The following PKHD1 variants were observed in gnomAD, a reference collection of about 807,000 sequenced individuals.
PKHD1 encodes the protein fibrocystin.
Under a neutral mutation model 412.0 loss-of-function variants are expected in PKHD1, and 291 were observed. That is an observed-to-expected ratio of 0.71 (90% CI 0.64 to 0.78). PKHD1 has a LOEUF of 0.78. Among genes scored for constraint, PKHD1 ranks in the 30% least tolerant of loss-of-function variants. PKHD1 has a pLI of 0.00. For missense variants in PKHD1, 4,825 were observed against 4,950.7 expected (o/e 0.97, Z 0.76); for synonymous variants, 1,777 against 1,821.5 (o/e 0.98, Z 0.62).
chr6:52,035,696 G>C lies in PKHD1; in HGVS notation c.3123C>G (p.Gly1041=). ...TCAGGCTAACACCTTCCAAACTAGA[G>C]CCTCGGATGGTGGCCCAGAGCCCTC... ...DIGGLWATIR[G]SSLEGVSLIL... is the part of the protein sequence containing the mutation. The change falls in exon 28 of 67, where the codon GGC becomes GGG. Residue 1041 remains glycine (G), a synonymous_variant. Coordinates refer to ENST00000371117, the MANE Select transcript of PKHD1 (RefSeq NM_138694.4). 1 of 1,613,802 alleles carries C rather than the reference G, an allele frequency of 6.2e-7. No individual in the cohort carries two copies. The highest frequency in any genetic ancestry group is 2.2e-5 in the East Asian group (1 of 44,872).
intron 52 of PKHD1, among the ~76,000 whole-genome samples, chr6:51,817,053 CAA>C (rs1436250833): frequency 4.3e-5 from 6 of 138,990 alleles, no homozygotes; most frequent in Admixed American, 4.3e-4. Flanking sequence ...ATCCGAGGAG[CAA>C]GAGAGAGTCA....
At chr6:51,725,682 T>C (rs1782489137) in intron 60 of PKHD1, among the ~76,000 whole-genome samples, 1 of 152,208 alleles carries the variant, frequency 6.6e-6, no homozygotes, top group South Asian at 2.1e-4. Flanking sequence ...CACGTTTCAT[T>C]TCACAGGTCA....
rs148116585 is a variant in PKHD1, at chr6:51,719,324, T to C, written c.10156+25061A>G. Among the ~76,000 whole-genome samples, 343 of 152,118 alleles carry C rather than the reference T, an allele frequency of 2.3e-3. 1 individual carries two copies. Among genetic ancestry groups the C allele is most frequent in the Non-Finnish European group, 4.0e-3 (269 of 67,996 alleles). On this transcript the variant is annotated intron_variant, in intron 60 of 66. Coordinates refer to ENST00000371117, the MANE Select transcript of PKHD1 (RefSeq NM_138694.4). ...CCTGGGCTCCAGCAATCCTCTCACCTCAGGTAGGCAATCCTTCTTATGGTC... is the reference window on the plus strand; with the variant it reads ...CCTGGGCTCCAGCAATCCTCTCACCCCAGGTAGGCAATCCTTCTTATGGTC...
intron 60 of PKHD1, among the ~76,000 whole-genome samples, chr6:51,739,394 C>G (rs1295751847): frequency 6.6e-6 from 1 of 151,984 alleles, no homozygotes; most frequent in Non-Finnish European, 1.5e-5. Context: ...TCATACCTGG[C>G]TAATTTTTCT....
chr6:51,874,014 T>A (rs1776423036), intron 46 of PKHD1, among the ~76,000 whole-genome samples: 1 of 152,054 alleles, frequency 6.6e-6, no homozygotes, highest in Non-Finnish European at 1.5e-5. Context: ...AGCTAGTATA[T>A]TGAGAAGAAA....
At chr6:51,683,741 C>A (rs1344923293) in intron 60 of PKHD1, among the ~76,000 whole-genome samples, 1 of 151,956 alleles carries the variant, frequency 6.6e-6, no homozygotes, top group Non-Finnish European at 1.5e-5. Flanking sequence ...TCTAGCTCTT[C>A]CATTGTATAG....
At chr6:51,916,304 A>G (rs952211847) in intron 37 of PKHD1, among the ~76,000 whole-genome samples, 2 of 152,210 alleles carry the variant, frequency 1.3e-5, no homozygotes, top group Non-Finnish European at 2.9e-5. Flanking sequence ...AAAAGCAGAA[A>G]AAAATACAAA....
At chr6:52,058,937 T>C (rs1377110382) in intron 15 of PKHD1, among the ~76,000 whole-genome samples, 1 of 152,200 alleles carries the variant, frequency 6.6e-6, no homozygotes, top group Non-Finnish European at 1.5e-5. Flanking sequence ...AGACCTCGAA[T>C]GACTTGATCA....
chr6:51,674,850 A>G (rs1422248841), intron 60 of PKHD1, among the ~76,000 whole-genome samples: 1 of 152,198 alleles, frequency 6.6e-6, no homozygotes, highest in Non-Finnish European at 1.5e-5. Context: ...ATTTTATCAT[A>G]CTATCCCAGG....
intron 60 of PKHD1, among the ~76,000 whole-genome samples, chr6:51,728,476 CT>C (rs1370623729): frequency 6.6e-6 from 1 of 152,190 alleles, no homozygotes; most frequent in East Asian, 1.9e-4. Context: ...ACCAATTTTG[CT>C]TCCTTTTATC....
intron 4 of PKHD1, among the ~76,000 whole-genome samples, chr6:52,080,269 G>A (rs1028614414): frequency 6.6e-6 from 1 of 152,136 alleles, no homozygotes; most frequent in South Asian, 2.1e-4. Flanking sequence ...CAAAATCATA[G>A]GTTCATTGGA....
At chr6:51,961,656 A>C (rs1792057467) in intron 35 of PKHD1, among the ~76,000 whole-genome samples, 1 of 152,124 alleles carries the variant, frequency 6.6e-6, no homozygotes, top group African/African-American at 2.4e-5. Context: ...ATACAGAAAG[A>C]GGAAAGGGAG....
At chr6:51,881,298 G>T (rs1777304361) in intron 46 of PKHD1, among the ~76,000 whole-genome samples, 1 of 151,968 alleles carries the variant, frequency 6.6e-6, no homozygotes, top group Admixed American at 6.6e-5. Flanking sequence ...ATAGGTTATA[G>T]TGAAGCAAAT....
At position 51,802,648 on chromosome 6, in the gene PKHD1, A is replaced by G. The variant is rs563816316; in HGVS notation, c.8303-11275T>C. Among the ~76,000 whole-genome samples, 111 of 151,714 alleles carry G rather than the reference A, an allele frequency of 7.3e-4. 11 individuals are homozygous for G. Among genetic ancestry groups the G allele is most frequent in the African/African-American group, 2.6e-3 (106 of 41,036 alleles). On this transcript the variant is annotated intron_variant, in intron 52 of 66. Coordinates refer to ENST00000371117, the MANE Select transcript of PKHD1 (RefSeq NM_138694.4). The stretch of plus-strand genomic sequence containing the variant: ...GTAAATAAATATATTTTGTACTTTT[A>G]CCCTGAATAGAAAAATATGAATATC...
rs944379516 is a variant in PKHD1, at chr6:51,814,493, C to A, written c.8302+16368G>T. ...ACACTATACAAATGAGAAAAGGTAA[C>A]CTCTGAAACCATTTCACAGCAAACA... is the stretch of plus-strand genomic sequence containing the variant. On this transcript the variant is annotated intron_variant, in intron 52 of 66. Coordinates refer to ENST00000371117, the MANE Select transcript of PKHD1 (RefSeq NM_138694.4). 9.8e-5 allele frequency among the ~76,000 whole-genome samples: 15 copies of A among 152,288 alleles called. No individual in the cohort carries two copies. The East Asian group carries it at 2.9e-3, about 29-fold the overall frequency.
In PKHD1 at chr6:51,747,770, A is replaced by G. The variant is rs1398370173; in HGVS notation, c.9829+17T>C. 2 of 1,608,980 alleles carry G rather than the reference A, an allele frequency of 1.2e-6. No homozygotes were observed. Among genetic ancestry groups the G allele is most frequent in the South Asian group, 2.2e-5 (2 of 90,974 alleles). On this transcript the variant is annotated intron_variant, in intron 58 of 66. Coordinates refer to ENST00000371117, the MANE Select transcript of PKHD1 (RefSeq NM_138694.4). ...ATGTATGAAATGGCACTGCCTAGAT[A>G]AAATAAAACATCCTACCTTGAAGTT...
chr6:51,755,878 C>T (rs182504289), intron 55 of PKHD1, among the ~76,000 whole-genome samples: 353 of 152,198 alleles, frequency 2.3e-3, no homozygotes, highest in Middle Eastern at 0.01. Flanking sequence ...ATAAATAAAA[C>T]ATATGTCATT....
intron 49 of PKHD1, among the ~76,000 whole-genome samples, chr6:51,852,732 G>GTT (rs61529648): frequency 1.4e-5 from 2 of 144,476 alleles, no homozygotes; most frequent in African/African-American, 2.5e-5. Flanking sequence ...TGCAAACCCT[G>GTT]TTTTTTTTTT....
chr6:51,749,619 A>G (rs1282327536), intron 57 of PKHD1, among the ~76,000 whole-genome samples: 1 of 152,150 alleles, frequency 6.6e-6, no homozygotes, highest in Non-Finnish European at 1.5e-5. Context: ...CATACTCCTA[A>G]TTTTCAAAAA....
Sources: gnomAD v4.1 joint callset for allele counts (sites outside exome capture counted in the v4.1 genomes callset) on GRCh38, gnomAD v4.1.1 for gene constraint, MANE v1.5 for transcripts, NCBI Gene and HGNC (gene_info 2026-07-23, HGNC 2026-07-21) for gene names.